The following THSD7B variants were observed in gnomAD, a reference collection of about 807,000 sequenced individuals.
THSD7B encodes the protein thrombospondin type-1 domain-containing protein 7B.
In THSD7B, 138 loss-of-function variants were observed where a neutral mutation model predicts 213.6. That is an observed-to-expected ratio of 0.65 (90% CI 0.56 to 0.74). The LOEUF (loss-of-function observed/expected upper bound fraction) is 0.74, where lower values mean the gene tolerates loss of function less well. Ranked by LOEUF, THSD7B falls within the 30% of genes least tolerant of loss-of-function variation. THSD7B has a pLI of 0.00. For missense variants in THSD7B, 1,931 were observed against 1,991.5 expected, an observed-to-expected ratio of 0.97 and a Z score of 0.58; for synonymous variants, 742 against 687.0, an observed-to-expected ratio of 1.08 and a Z score of -1.25.
chr2:136,834,786 C>G (rs1337157446), intron 1 of THSD7B, among the ~76,000 whole-genome samples: 2 of 152,222 alleles, frequency 1.3e-5, no homozygotes, highest in African/African-American at 4.8e-5. Context: ...ACTTACCACT[C>G]AGTTTTATAT....
At chr2:136,914,703 C>T (rs1211259552) in intron 2 of THSD7B, among the ~76,000 whole-genome samples, 1 of 152,144 alleles carries the variant, frequency 6.6e-6, no homozygotes, top group Non-Finnish European at 1.5e-5. Context: ...GTGCCTTTCA[C>T]CCCCCACCAT....
chr2:137,501,617 G>C (rs1679707998), intron 15 of THSD7B, among the ~76,000 whole-genome samples: 1 of 152,042 alleles, frequency 6.6e-6, no homozygotes, highest in Admixed American at 6.6e-5. Flanking sequence ...CCTTAAAGTA[G>C]AATGAAAGTT....
intron 17 of THSD7B, among the ~76,000 whole-genome samples, chr2:137,592,816 C>A (rs2104815164): frequency 6.6e-6 from 1 of 151,884 alleles, no homozygotes; most frequent in Admixed American, 6.6e-5. Context: ...AAATATAAGC[C>A]AAATCTAGTA....
At chr2:137,341,805 T>C (rs1222408237) in intron 12 of THSD7B, among the ~76,000 whole-genome samples, 2 of 151,762 alleles carry the variant, frequency 1.3e-5, no homozygotes, top group Admixed American at 6.6e-5. Context: ...ATGGACTCTC[T>C]ATTTTGTTCC....
chr2:137,117,404 G>A (rs1688463966), intron 5 of THSD7B, among the ~76,000 whole-genome samples: 1 of 152,068 alleles, frequency 6.6e-6, no homozygotes, highest in Non-Finnish European at 1.5e-5. Flanking sequence ...ATCTGTCAAT[G>A]CAATAATAAA....
intron 17 of THSD7B, among the ~76,000 whole-genome samples, chr2:137,598,889 T>A (rs1325865052): frequency 2.1e-5 from 3 of 141,782 alleles, no homozygotes; most frequent in South Asian, 2.2e-4. Flanking sequence ...TTTTTTTTTT[T>A]ATTATTATTA....
At position 136,797,653 on chromosome 2, in the gene THSD7B, G is replaced by A. The variant is rs562606921; in HGVS notation, c.-36+31966G>A. On this transcript the variant is annotated intron_variant, in intron 1 of 27. Transcript: ENST00000409968. ...TTAATCATTTTTATTGAGTGTTGGC[G>A]TTTGCATTTTTCTGAACCACTGGGG... Among the ~76,000 whole-genome samples, 10 of 151,988 alleles carry A rather than the reference G, an allele frequency of 6.6e-5. No individual in the cohort carries two copies. In the East Asian group the frequency reaches 1.4e-3, roughly 21 times the overall value.
chr2:137,597,048 A>T (rs1410481948), intron 17 of THSD7B, among the ~76,000 whole-genome samples: 1 of 152,160 alleles, frequency 6.6e-6, no homozygotes, highest in African/African-American at 2.4e-5. Context: ...TGAAACTAGC[A>T]TTATTAGTAG....
intron 2 of THSD7B, among the ~76,000 whole-genome samples, chr2:136,893,649 G>C (rs188579242): frequency 6.6e-6 from 1 of 152,224 alleles, no homozygotes; most frequent in East Asian, 1.9e-4. Context: ...ATAAACCACA[G>C]TCAATTTTTA....
At chr2:137,150,058 A>G (rs1679785120) in intron 5 of THSD7B, among the ~76,000 whole-genome samples, 1 of 152,096 alleles carries the variant, frequency 6.6e-6, no homozygotes, top group Non-Finnish European at 1.5e-5. Flanking sequence ...CCTGACCAAC[A>G]TGGAGAAAAC....
intron 7 of THSD7B, among the ~76,000 whole-genome samples, chr2:137,184,615 C>T (rs1431118795): frequency 6.6e-6 from 1 of 152,124 alleles, no homozygotes; most frequent in Non-Finnish European, 1.5e-5. Context: ...TCCACATGTA[C>T]ATATCCATAT....
intron 17 of THSD7B, among the ~76,000 whole-genome samples, chr2:137,584,890 G>A (rs1245355355): frequency 1.3e-5 from 2 of 152,156 alleles, no homozygotes; most frequent in Admixed American, 6.5e-5. Flanking sequence ...TCTATTGATT[G>A]GAATAGTTTC....
At chr2:137,529,859 A>T (rs1383365631) in intron 15 of THSD7B, among the ~76,000 whole-genome samples, 1 of 151,938 alleles carries the variant, frequency 6.6e-6, no homozygotes, top group African/African-American at 2.4e-5. Flanking sequence ...GTGTCCTCCC[A>T]TGTATTTGAA....
intron 2 of THSD7B, among the ~76,000 whole-genome samples, chr2:136,954,026 G>A (rs965416384): frequency 6.6e-6 from 1 of 152,204 alleles, no homozygotes; most frequent in Non-Finnish European, 1.5e-5. Context: ...AGATGTCTCA[G>A]TTATTCACTC....
intron 3 of THSD7B, among the ~76,000 whole-genome samples, chr2:137,089,266 G>GTATATATACATATATA (rs1687901484): frequency 7.7e-6 from 1 of 130,006 alleles, no homozygotes; most frequent in Admixed American, 7.5e-5. Flanking sequence ...GTGTGTGTGT[G>GTATATATACATATATA]TGTGTGTGTA....
At chr2:136,852,358 A>C (rs956109270) in intron 1 of THSD7B, among the ~76,000 whole-genome samples, 6 of 151,484 alleles carry the variant, frequency 4.0e-5, no homozygotes, top group African/African-American at 1.5e-4. Context: ...CAACAAAAAA[A>C]CCAAAAAACC....
intron 3 of THSD7B, among the ~76,000 whole-genome samples, chr2:137,071,781 TG>T (rs2104892487): frequency 6.6e-6 from 1 of 152,322 alleles, no homozygotes; most frequent in South Asian, 2.1e-4. Flanking sequence ...AATTAATTTT[TG>T]TATAAGGTGT....
chr2:137,475,616 A>C (rs1688175867), intron 15 of THSD7B, among the ~76,000 whole-genome samples: 1 of 152,166 alleles, frequency 6.6e-6, no homozygotes, highest in Admixed American at 6.5e-5. Context: ...TTCACTTCAC[A>C]TAAGGACCTC....
Position 137,450,990 on chromosome 2 carries a change from A to T in THSD7B, c.3105A>T (p.Gly1035=). The change falls in exon 15 of 28, where the codon GGA becomes GGT. Residue 1035 remains glycine, a synonymous_variant. Transcript: ENST00000409968. The stretch of plus-strand genomic sequence containing the variant: ...TAAAAGAAAAACCTTACAATGGAGG[A>T]CGACCATGTCCCAAACTGGATCTCA... The part of the protein sequence containing the change: ...KWLKEKPYNG[G]RPCPKLDLKN... 6.2e-7 allele frequency: 1 copy of T among 1,607,794 alleles called. No homozygotes were observed. Among genetic ancestry groups the T allele is most frequent in the Non-Finnish European group, 8.5e-7 (1 of 1,176,674 alleles).
Sources: gnomAD v4.1 joint callset for allele counts (sites outside exome capture counted in the v4.1 genomes callset) on GRCh38, gnomAD v4.1.1 for gene constraint, MANE v1.5 for transcripts, NCBI Gene and HGNC (gene_info 2026-07-23, HGNC 2026-07-21) for gene names.